Variants in CFAP54 observed in about 807,000 individuals in gnomAD.
CFAP54 encodes cilia- and flagella-associated protein 54.
Under a neutral mutation model 370.4 loss-of-function variants are expected in CFAP54, and 290 were observed. The observed-to-expected ratio is 0.78, with a 90% CI of 0.71 to 0.86. CFAP54 has a LOEUF of 0.86. Ranked by LOEUF, CFAP54 falls within the 40% of genes least tolerant of loss-of-function variation. CFAP54 has a pLI of 0.00. For synonymous variants in CFAP54, 1,206 were observed against 1,236.5 expected (o/e 0.98, Z 0.52); for missense variants, 3,399 against 3,528.7 (o/e 0.96, Z 0.93).
At chr12:96,640,711 C>G (rs1301304267) in intron 32 of CFAP54, among the ~76,000 whole-genome samples, 2 of 152,164 alleles carry the variant, frequency 1.3e-5, no homozygotes, top group Non-Finnish European at 2.9e-5. Flanking sequence ...CAGCATGGTA[C>G]TGGTACCAAA....
At chr12:96,653,726 A>C (rs888128401) in intron 36 of CFAP54, among the ~76,000 whole-genome samples, 3 of 151,964 alleles carry the variant, frequency 2.0e-5, no homozygotes, top group Non-Finnish European at 2.9e-5. Flanking sequence ...AATCTAAACT[A>C]AAGAGAAGAA....
intron 55 of CFAP54, among the ~76,000 whole-genome samples, chr12:96,746,494 T>G (rs1010212811): frequency 6.6e-6 from 1 of 152,234 alleles, no homozygotes; most frequent in African/African-American, 2.4e-5. Flanking sequence ...TTGACATTGC[T>G]GACACTAATC....
chr12:96,781,210 A>G (rs1958576902), intron 60 of CFAP54, among the ~76,000 whole-genome samples: 1 of 152,162 alleles, frequency 6.6e-6, no homozygotes, highest in South Asian at 2.1e-4. Flanking sequence ...GCTAGATGAT[A>G]CTAGGAATAC....
intron 19 of CFAP54, among the ~76,000 whole-genome samples, chr12:96,573,665 G>C (rs1240403816): frequency 6.6e-6 from 1 of 152,096 alleles, no homozygotes; most frequent in African/African-American, 2.4e-5. Flanking sequence ...AAATTAGTTT[G>C]GTTGAATGAG....
chr12:96,824,634 GT>G (rs1406508313), intron 65 of CFAP54, among the ~76,000 whole-genome samples: 6 of 152,088 alleles, frequency 3.9e-5, no homozygotes, highest in Admixed American at 3.9e-4. Flanking sequence ...GAGGACACTG[GT>G]GTACCCTGAC....
At chr12:96,869,413 C>CA (rs1960090399) in intron 67 of CFAP54, among the ~76,000 whole-genome samples, 1 of 152,058 alleles carries the variant, frequency 6.6e-6, no homozygotes, top group South Asian at 2.1e-4. Flanking sequence ...ACACAATATA[C>CA]AAGTAGTGCT....
At chr12:96,494,819 C>T (rs1032493466) in intron 1 of CFAP54, among the ~76,000 whole-genome samples, 15 of 151,722 alleles carry the variant, frequency 9.9e-5, no homozygotes, top group African/African-American at 3.1e-4. Flanking sequence ...TTCCGCCTCC[C>T]GGATTCCAGT....
chr12:96,511,816 G>A (rs1271639312), intron 4 of CFAP54, among the ~76,000 whole-genome samples: 1 of 152,180 alleles, frequency 6.6e-6, no homozygotes, highest in African/African-American at 2.4e-5. Flanking sequence ...CCTGAACATA[G>A]AATTCATAAT....
chr12:96,579,050 A>G (rs1309184933), intron 20 of CFAP54, among the ~76,000 whole-genome samples: 2 of 152,324 alleles, frequency 1.3e-5, no homozygotes, highest in East Asian at 3.9e-4. Context: ...TCTGGTTTAT[A>G]TAATAGAACT....
chr12:96,747,732 G>C (rs1958132873), intron 55 of CFAP54, among the ~76,000 whole-genome samples: 1 of 152,112 alleles, frequency 6.6e-6, no homozygotes, highest in Non-Finnish European at 1.5e-5. Flanking sequence ...AGTTATCCAA[G>C]CTCTTAGACT....
At chr12:96,505,320 C>T (rs1233636236) in intron 3 of CFAP54, among the ~76,000 whole-genome samples, 2 of 151,704 alleles carry the variant, frequency 1.3e-5, no homozygotes, top group Non-Finnish European at 2.9e-5. Flanking sequence ...CCTTGGCCTC[C>T]CAAAGTGCTG....
At chr12:96,599,993 G>T (rs1956221799) in intron 26 of CFAP54, among the ~76,000 whole-genome samples, 1 of 151,934 alleles carries the variant, frequency 6.6e-6, no homozygotes, top group South Asian at 2.1e-4. Context: ...TTGCTGTGCA[G>T]AAGTTCTTTA....
chr12:96,739,642 C>A (rs925751346), intron 50 of CFAP54, among the ~76,000 whole-genome samples: 1 of 152,080 alleles, frequency 6.6e-6, no homozygotes, highest in African/African-American at 2.4e-5. Context: ...CTCCTTTATT[C>A]TTCTATTCAC....
chr12:96,737,207 A>G (rs1195343845), intron 50 of CFAP54, among the ~76,000 whole-genome samples: 1 of 152,096 alleles, frequency 6.6e-6, no homozygotes, highest in Non-Finnish European at 1.5e-5. Context: ...TCATGTCAGC[A>G]CTCAAAAAGC....
chr12:96,739,080 A>G (rs182499076), intron 50 of CFAP54, among the ~76,000 whole-genome samples: 2 of 152,290 alleles, frequency 1.3e-5, no homozygotes, highest in Admixed American at 6.5e-5. Flanking sequence ...AATTCAACTC[A>G]TAACACCTGT....
Position 96,540,927 on chromosome 12 carries a change from C to G in CFAP54, c.2017C>G (p.Arg673Gly), listed in dbSNP as rs552575742. Residue 673 changes from arginine to glycine, a missense_variant, in exon 14 of 68, where the codon CGG becomes GGG. Physicochemically the swap from Arg to Gly is moderately radical, Grantham distance 125 (BLOSUM62 -2). Around this residue, in one of 3 missense-constraint regions of CFAP54, gnomAD observed 2,796 missense variants for 2,869.7 expected, o/e 0.97. Coordinates refer to ENST00000524981, the MANE Select transcript of CFAP54 (RefSeq NM_001306084.2). The part of the protein sequence containing the change: ...DIVVVAEVTL[R>G]LSEILESLGS... ...TGTGGTAGTGGCAGAAGTCACATTA[C>G]GGTTAAGTGAAATATTGGAATCTTT... 9 of 1,518,988 alleles carry G rather than the reference C, an allele frequency of 5.9e-6. No individual in the cohort carries two copies. Among genetic ancestry groups the G allele is most frequent in the Non-Finnish European group, 7.9e-6 (9 of 1,139,866 alleles). The allele number at this position is 1,518,988 out of a possible 1,614,324, so 94.1% of individuals were successfully genotyped here. A position where few individuals can be genotyped will look rare whatever the true frequency, so the allele number is the denominator to read the frequency against.
Position 96,489,940 on chromosome 12 carries a change from G to T in CFAP54, c.317+14G>T. The T allele has an allele frequency of 2.6e-6, 4 of 1,524,018 alleles. No homozygotes were observed. The highest frequency in any genetic ancestry group is 3.5e-6 in the Non-Finnish European group (4 of 1,139,826). The allele number at this position is 1,524,018 out of a possible 1,614,324, so 94.4% of individuals were successfully genotyped here. On this transcript the variant is annotated intron_variant, in intron 1 of 67. Transcript: ENST00000524981. ...CCGCCGGCGTTGGTAAGCGCTGGCG[G>T]GGCACTGGGGAGGGCGCCGGCCAGA...
At chr12:96,558,117 T>C (rs1219571419) in intron 17 of CFAP54, among the ~76,000 whole-genome samples, 1 of 152,198 alleles carries the variant, frequency 6.6e-6, no homozygotes. Flanking sequence ...GTTCCAGTTC[T>C]GGTGCTGGGT....
intron 12 of CFAP54, among the ~76,000 whole-genome samples, chr12:96,536,906 G>A (rs1955512490): frequency 6.6e-6 from 1 of 152,010 alleles, no homozygotes; most frequent in Non-Finnish European, 1.5e-5. Flanking sequence ...GATTACAGGT[G>A]TGTGAGCCAC....
Sources: allele counts gnomAD v4.1 joint callset (sites outside exome capture counted in the v4.1 genomes callset), GRCh38; gene constraint gnomAD v4.1.1; regional missense constraint gnomAD v4.1.1; transcripts MANE v1.5; gene names NCBI Gene and HGNC (gene_info 2026-07-23, HGNC 2026-07-21).